The following EVA1A variants were observed in gnomAD, a reference collection of about 807,000 sequenced individuals.
EVA1A encodes the protein eva-1 homolog A, regulator of programmed cell death.
EVA1A carries 7 observed loss-of-function variants against 9.8 expected under a neutral mutation model. That is an observed-to-expected ratio of 0.71 (90% CI 0.41 to 1.34). EVA1A has a LOEUF of 1.34. Among genes scored for constraint, EVA1A ranks in the 40% most tolerant of loss-of-function variants. The probability of loss-of-function intolerance (pLI) is 0.01; values close to 1 mark genes in which losing one functional copy is unlikely to be tolerated. For synonymous variants in EVA1A, 90 were observed against 85.6 expected (o/e 1.05, Z -0.28); for missense variants, 206 against 205.9 (o/e 1.00, Z 0.00).
In EVA1A at chr2:75,493,446, G is replaced by A. The variant is rs201833026; in HGVS notation, c.249C>T (p.Asp83=). ...QDRESSSDSS[D]SEDGSEDTVS... ...CGGTGTCCTCACTGCCATCCTCGCT[G>A]TCGCTGCTGTCGCTGCTGCTCTCTC... Residue 83 remains aspartate (D), a synonymous_variant, in exon 4 of 4, where the codon GAC becomes GAT. Coordinates refer to ENST00000393913, the MANE Select transcript of EVA1A (RefSeq NM_001135032.2). The A allele has an allele frequency of 6.8e-7, 1 of 1,466,466 alleles. No homozygotes were observed. Among genetic ancestry groups the A allele is most frequent in the East Asian group, 2.2e-5 (1 of 44,852 alleles). The allele number at this position is 1,466,466 out of a possible 1,614,324, so 90.8% of individuals were successfully genotyped here.
intron 1 of EVA1A, among the ~76,000 whole-genome samples, chr2:75,557,939 G>A (rs903539912): frequency 6.6e-6 from 1 of 152,236 alleles, no homozygotes; most frequent in Non-Finnish European, 1.5e-5. Context: ...CATTAACTGA[G>A]CACTTATTAT....
intron 3 of EVA1A, among the ~76,000 whole-genome samples, chr2:75,511,430 T>C (rs1053390854): frequency 1.3e-5 from 2 of 152,274 alleles, no homozygotes; most frequent in African/African-American, 4.8e-5. Context: ...ATCTATATAA[T>C]GGAATAATAC....
At chr2:75,499,622 C>G (rs1171456586) in intron 3 of EVA1A, among the ~76,000 whole-genome samples, 1 of 152,158 alleles carries the variant, frequency 6.6e-6, no homozygotes, top group African/African-American at 2.4e-5. Context: ...TCCCTAGGAG[C>G]CCTTTTCCTC....
At chr2:75,495,100 C>T (rs1409468589) in intron 3 of EVA1A, among the ~76,000 whole-genome samples, 1 of 152,154 alleles carries the variant, frequency 6.6e-6, no homozygotes, top group Non-Finnish European at 1.5e-5. Context: ...CCACCAATTT[C>T]CCCTGAGTCC....
chr2:75,516,820 C>T (rs562470028), intron 3 of EVA1A, among the ~76,000 whole-genome samples: 2 of 152,308 alleles, frequency 1.3e-5, no homozygotes, highest in Admixed American at 6.5e-5. Context: ...CTTGTGAAAA[C>T]GATGTCTGAA....
chr2:75,538,495 G>T (rs978119678), intron 1 of EVA1A, among the ~76,000 whole-genome samples: 3 of 152,164 alleles, frequency 2.0e-5, no homozygotes, highest in African/African-American at 7.2e-5. Flanking sequence ...ACAGCATGTT[G>T]TATAAATGAG....
chr2:75,504,127 T>C (rs1674527068), intron 3 of EVA1A, among the ~76,000 whole-genome samples: 1 of 152,044 alleles, frequency 6.6e-6, no homozygotes, highest in Non-Finnish European at 1.5e-5. Context: ...TAAGAACATC[T>C]CTTGCCAGGC....
At chr2:75,504,418 C>G (rs1327741369) in intron 3 of EVA1A, among the ~76,000 whole-genome samples, 1 of 152,086 alleles carries the variant, frequency 6.6e-6, no homozygotes, top group Non-Finnish European at 1.5e-5. Flanking sequence ...CTCAAACAAA[C>G]AAACAAACAA....
chr2:75,555,480 C>T (rs1033786469), intron 1 of EVA1A, among the ~76,000 whole-genome samples: 1 of 152,092 alleles, frequency 6.6e-6, no homozygotes, highest in Non-Finnish European at 1.5e-5. Context: ...CATAGCTCAT[C>T]AGCTAGGACT....
chr2:75,559,632 A>C (rs1676842635), intron 1 of EVA1A, among the ~76,000 whole-genome samples: 1 of 148,392 alleles, frequency 6.7e-6, no homozygotes. Context: ...TTGGGTTTGA[A>C]TATAATCAAG....
chr2:75,538,463 A>G (rs536865205), intron 1 of EVA1A, among the ~76,000 whole-genome samples: 1 of 152,366 alleles, frequency 6.6e-6, no homozygotes, highest in South Asian at 2.1e-4. Context: ...CCTGCACCAC[A>G]TTAATGAAGT....
At chr2:75,498,801 CTTTTTT>C (rs35246724) in intron 3 of EVA1A, among the ~76,000 whole-genome samples, 6 of 147,234 alleles carry the variant, frequency 4.1e-5, no homozygotes, top group African/African-American at 9.9e-5. Flanking sequence ...CCACACACAC[CTTTTTT>C]TTTTTTTTTA....
At position 75,552,233 on chromosome 2, in the gene EVA1A, C is replaced by T. The variant is rs373187689; in HGVS notation, c.-192+8447G>A. ...TCTTGTAAATCTTGAAGACTTTTCTCGGGAATGTCAAACCTAGAAAACATC... is the reference window on the plus strand; with the variant it reads ...TCTTGTAAATCTTGAAGACTTTTCTTGGGAATGTCAAACCTAGAAAACATC... On this transcript the variant is annotated intron_variant, in intron 1 of 3. Transcript: ENST00000393913. Among the ~76,000 whole-genome samples the T allele has an allele frequency of 1.3e-4, 20 of 152,086 alleles. No homozygotes were observed. In the East Asian group the frequency reaches 2.5e-3, roughly 19 times the overall value.
chr2:75,557,987 G>A (rs891801098), intron 1 of EVA1A, among the ~76,000 whole-genome samples: 1 of 152,242 alleles, frequency 6.6e-6, no homozygotes, highest in South Asian at 2.1e-4. Flanking sequence ...CCCGCATAGT[G>A]TAAAGAGTAT....
At chr2:75,507,462 T>A (rs919789059) in intron 3 of EVA1A, among the ~76,000 whole-genome samples, 1 of 152,148 alleles carries the variant, frequency 6.6e-6, no homozygotes, top group Non-Finnish European at 1.5e-5. Flanking sequence ...TTTCCAAAGA[T>A]AATGACTTTG....
intron 1 of EVA1A, among the ~76,000 whole-genome samples, chr2:75,537,522 A>G (rs1330744768): frequency 6.6e-6 from 1 of 152,198 alleles, no homozygotes; most frequent in Non-Finnish European, 1.5e-5. Flanking sequence ...AAGAAATAAA[A>G]CTGTCCCTAT....
At chr2:75,515,818 G>A (rs74634610) in intron 3 of EVA1A, among the ~76,000 whole-genome samples, 9,114 of 152,062 alleles carry the variant, frequency 0.06, 401 homozygotes, top group Middle Eastern at 0.16. Flanking sequence ...CCCAACTCAC[G>A]TGCCTTCTTC....
chr2:75,550,197 G>A (rs1676472876), intron 1 of EVA1A, among the ~76,000 whole-genome samples: 1 of 152,150 alleles, frequency 6.6e-6, no homozygotes. Context: ...AATGGCAGTG[G>A]TCAAATCCTC....
intron 3 of EVA1A, among the ~76,000 whole-genome samples, chr2:75,499,172 T>G (rs1044180422): frequency 6.6e-5 from 10 of 152,194 alleles, no homozygotes; most frequent in African/African-American, 9.6e-5. Context: ...CTCCCTGGAT[T>G]GGGTTAAATC....
Sources: gnomAD v4.1 joint callset for allele counts (sites outside exome capture counted in the v4.1 genomes callset) on GRCh38, gnomAD v4.1.1 for gene constraint, MANE v1.5 for transcripts, NCBI Gene and HGNC (gene_info 2026-07-23, HGNC 2026-07-21) for gene names.